Variants in KREMEN1 observed in about 807,000 individuals in gnomAD.
KREMEN1 encodes the protein kremen protein 1.
In KREMEN1, 30 loss-of-function variants were observed where a neutral mutation model predicts 46.5. That is an observed-to-expected ratio of 0.65 (90% CI 0.48 to 0.88). The LOEUF (loss-of-function observed/expected upper bound fraction) is 0.88, where lower values mean the gene tolerates loss of function less well. Ranked by LOEUF, KREMEN1 falls within the 40% of genes least tolerant of loss-of-function variation. The pLI is 0.00. For synonymous variants in KREMEN1, 214 were observed against 230.6 expected (o/e 0.93, Z 0.65); for missense variants, 533 against 596.9 (o/e 0.89, Z 1.11).
intron 9 of KREMEN1, among the ~76,000 whole-genome samples, chr22:29,153,399 C>T (rs2038933105): frequency 6.6e-6 from 1 of 152,154 alleles, no homozygotes; most frequent in African/African-American, 2.4e-5. Context: ...GTTTCCATTG[C>T]CTCTGACAGC....
chr22:29,111,262 G>T (rs1366499397), intron 3 of KREMEN1, among the ~76,000 whole-genome samples: 1 of 149,914 alleles, frequency 6.7e-6, no homozygotes, highest in African/African-American at 2.5e-5. Context: ...GAGTATGATT[G>T]TATCACTGCA....
chr22:29,095,965 C>T (rs2037877435), intron 2 of KREMEN1, among the ~76,000 whole-genome samples: 1 of 152,168 alleles, frequency 6.6e-6, no homozygotes, highest in South Asian at 2.1e-4. Context: ...ACCCTCCCCA[C>T]CAAGTCCCAA....
intron 3 of KREMEN1, among the ~76,000 whole-genome samples, chr22:29,114,959 G>C (rs1284600590): frequency 1.3e-5 from 2 of 152,160 alleles, no homozygotes; most frequent in African/African-American, 2.4e-5. Flanking sequence ...CAATTATCTA[G>C]AATGATGTTC....
chr22:29,147,536 G>C (rs2038881068), downstream of KREMEN1, among the ~76,000 whole-genome samples: 1 of 152,222 alleles, frequency 6.6e-6, no homozygotes, highest in African/African-American at 2.4e-5. Flanking sequence ...CCAGGATTCA[G>C]TTTCCTCCAT....
Position 29,121,098 on chromosome 22 carries a change from GTT to G in KREMEN1, c.353-246_353-245del, listed in dbSNP as rs11396782. 1.5e-3 allele frequency among the ~76,000 whole-genome samples: 218 copies of G among 146,614 alleles called. 1 individual carries two copies. Among genetic ancestry groups the G allele is most frequent in the East Asian group, 5.1e-3 (26 of 5,076 alleles). On this transcript the variant is annotated intron_variant, in intron 3 of 8. Coordinates refer to ENST00000400335, the MANE Select transcript of KREMEN1 (RefSeq NM_001039570.3). Reference sequence around the variant, plus strand: ...TACTAAATCCTATCAATATTAAACAGTTTTTTTTTTTTTTAAATACGTATTCG... The same window carrying G: ...TACTAAATCCTATCAATATTAAACAGTTTTTTTTTTTTAAATACGTATTCG...
At chr22:29,121,240 G>T in intron 3 of KREMEN1, 117 bp from the exon 4 acceptor site, 1 of 1,162,720 alleles carries the variant, frequency 8.6e-7, no homozygotes, top group Non-Finnish European at 1.2e-6. Context: ...TTGTTTATTT[G>T]TACCTCAGGA....
At chr22:29,128,605 G>C (rs2145827064) in intron 5 of KREMEN1, among the ~76,000 whole-genome samples, 1 of 152,302 alleles carries the variant, frequency 6.6e-6, no homozygotes, top group Admixed American at 6.5e-5. Flanking sequence ...GTACTACTAG[G>C]AAAGAGTACT....
At chr22:29,091,087 C>T (rs1569314597) in intron 1 of KREMEN1, among the ~76,000 whole-genome samples, 1 of 152,226 alleles carries the variant, frequency 6.6e-6, no homozygotes, top group Non-Finnish European at 1.5e-5. Context: ...GATTCTCCTG[C>T]CTCAGCTTCC....
At chr22:29,090,310 G>A (rs2037786542) in intron 1 of KREMEN1, among the ~76,000 whole-genome samples, 1 of 152,164 alleles carries the variant, frequency 6.6e-6, no homozygotes. Context: ...TAGAAAATAA[G>A]GGAGGCTGGG....
At chr22:29,118,853 C>T (rs2038285815) in intron 3 of KREMEN1, among the ~76,000 whole-genome samples, 1 of 152,082 alleles carries the variant, frequency 6.6e-6, no homozygotes, top group Non-Finnish European at 1.5e-5. Context: ...TTCCAGACAC[C>T]ACCTGGGGGT....
chr22:29,156,834 G>A (rs888156898), intron 9 of KREMEN1, among the ~76,000 whole-genome samples: 10 of 152,124 alleles, frequency 6.6e-5, no homozygotes, highest in African/African-American at 1.4e-4. Context: ...CTCTACATAC[G>A]GTGCCTTATT....
intron 1 of KREMEN1, among the ~76,000 whole-genome samples, chr22:29,075,448 G>C (rs1569309024): frequency 6.6e-6 from 1 of 152,042 alleles, no homozygotes; most frequent in Non-Finnish European, 1.5e-5. Flanking sequence ...CCAAATTTTG[G>C]TGTACTTTTA....
intron 1 of KREMEN1, among the ~76,000 whole-genome samples, chr22:29,084,263 G>A (rs1202231400): frequency 3.9e-5 from 6 of 152,026 alleles, no homozygotes; most frequent in African/African-American, 9.7e-5. Context: ...TTTTATCAGC[G>A]AAATCTTCGT....
intron 9 of KREMEN1, among the ~76,000 whole-genome samples, chr22:29,162,153 A>G (rs1487886185): frequency 6.6e-6 from 1 of 152,104 alleles, no homozygotes. Flanking sequence ...ATGATCAAGT[A>G]GGTTTCATTC....
At chr22:29,141,287 GTGTGTGTGTGTC>G (rs961906614) in intron 8 of KREMEN1, among the ~76,000 whole-genome samples, 3 of 141,592 alleles carry the variant, frequency 2.1e-5, no homozygotes, top group African/African-American at 2.9e-5. Context: ...GTCTGTGTCT[GTGTGTGTGTGTC>G]TGTGTGTGTG....
In KREMEN1 at chr22:29,144,309, G is replaced by A. The variant is rs6006029; in HGVS notation, c.*2197G>A. 280,066 of 985,514 alleles carry A rather than the reference G, an allele frequency of 0.28. 47,584 individuals are homozygous for A. Among genetic ancestry groups the A allele is most frequent in the African/African-American group, 0.77 (44,161 of 57,320 alleles). 61.0% of individuals were successfully genotyped at this position (985,514 alleles called of 1,614,324 possible). On this transcript the variant is annotated 3_prime_UTR_variant, in exon 9 of 9. Coordinates refer to ENST00000400335, the MANE Select transcript of KREMEN1 (RefSeq NM_001039570.3). ...CAGGAAGTGTCTGCAGGGAGAGGTG[G>A]CACTCGGCAGCCTGAGTTCAGGAGA...
intron 9 of KREMEN1, among the ~76,000 whole-genome samples, chr22:29,156,288 T>C (rs116967489): frequency 1.3e-5 from 2 of 152,228 alleles, no homozygotes; most frequent in African/African-American, 4.8e-5. Flanking sequence ...AGCCAAAATG[T>C]CCTTCTCTTT....
In KREMEN1 at chr22:29,113,941, G is replaced by A. The variant is rs141170446; in HGVS notation, c.353-7416G>A. ...AGAAGAGGTTAAGCAAAGACTGCAG[G>A]CATTGACAGTAATAAGAAGTAGATG... On this transcript the variant is annotated intron_variant, in intron 3 of 8. Transcript: ENST00000400335. 7.2e-5 allele frequency among the ~76,000 whole-genome samples: 11 copies of A among 152,320 alleles called. No homozygotes were observed. The East Asian group carries it at 1.5e-3, about 21-fold the overall frequency.
At chr22:29,099,896 C>T (rs913331973) in intron 3 of KREMEN1, among the ~76,000 whole-genome samples, 2 of 151,908 alleles carry the variant, frequency 1.3e-5, no homozygotes, top group Non-Finnish European at 2.9e-5. Flanking sequence ...AATAGGATAC[C>T]CTGACCCTCA....
Sources: allele counts gnomAD v4.1 joint callset (sites outside exome capture counted in the v4.1 genomes callset), GRCh38; gene constraint gnomAD v4.1.1; transcripts MANE v1.5; gene names NCBI Gene and HGNC (gene_info 2026-07-23, HGNC 2026-07-21).